Variants in TH observed in about 807,000 individuals in gnomAD.
The protein encoded by TH is tyrosine hydroxylase.
In TH, 49 loss-of-function variants were observed where a neutral mutation model predicts 57.4. The ratio of observed to expected loss-of-function variants is 0.85; its 90% CI spans 0.68 to 1.08. The LOEUF (loss-of-function observed/expected upper bound fraction) is 1.08, where lower values mean the gene tolerates loss of function less well. Among genes scored for constraint, TH ranks in the 50% least tolerant of loss-of-function variants. The pLI, the probability that TH is intolerant of heterozygous loss-of-function variation, is 0.00. For synonymous variants in TH, 330 were observed against 304.5 expected, an observed-to-expected ratio of 1.08 and a Z score of -0.87; for missense variants, 720 against 696.7, an observed-to-expected ratio of 1.03 and a Z score of -0.38.
In TH at chr11:2,169,718, G is replaced by C. The variant is rs1221965870; in HGVS notation, c.244C>G (p.Leu82Val). Residue 82 changes from leucine (L) to valine (V), a missense_variant, in exon 2 of 13, where the codon CTA becomes GTA. Physicochemically the swap from Leu to Val is conservative, Grantham distance 32. Coordinates refer to ENST00000352909, the MANE Select transcript of TH (RefSeq NM_000360.4). ...GCCCTCGGGGAGAAGAGCAGGTTTA[G>C]CACGGCCTTCCCCTCCTTCTCCTCA... Reference protein sequence around the residue: ...AFEEKEGKAVLNLLFSPRATK... With the variant: ...AFEEKEGKAVVNLLFSPRATK... 9 of 1,613,120 alleles carry C rather than the reference G, an allele frequency of 5.6e-6. No individual in the cohort carries two copies. The highest frequency in any genetic ancestry group is 5.1e-6 in the Non-Finnish European group (6 of 1,179,914).
At chr11:2,169,088 G>A (rs1590170409) in intron 2 of TH, among the ~76,000 whole-genome samples, 1 of 152,286 alleles carries the variant, frequency 6.6e-6, no homozygotes. Flanking sequence ...AGAAGGGTCC[G>A]CTCCACCCCC....
Position 2,168,112 on chromosome 11 carries a change from A to T in TH, c.555T>A (p.Pro185=). 1 of 1,613,528 alleles carries T rather than the reference A, an allele frequency of 6.2e-7. No individual in the cohort carries two copies. The highest frequency in any genetic ancestry group is 1.1e-5 in the South Asian group (1 of 91,086). ...KCHHLVTKFD[P]DLDLDHPGFS... Reference sequence around the variant, plus strand: ...TCACCGGGTGGTCCAAGTCCAGGTCAGGGTCGAACTTGGTGACCAGGTGAT... The same window carrying T: ...TCACCGGGTGGTCCAAGTCCAGGTCTGGGTCGAACTTGGTGACCAGGTGAT... Residue 185 remains proline, a synonymous_variant, in exon 4 of 13, where the codon CCT becomes CCA. Coordinates refer to ENST00000352909, the MANE Select transcript of TH (RefSeq NM_000360.4).
At chr11:2,167,299 C>A (rs572278139) in intron 6 of TH, 136 bp downstream of exon 6, 6 of 1,120,202 alleles carry the variant, frequency 5.4e-6, no homozygotes, top group African/African-American at 1.5e-5. Flanking sequence ...ACATTCTGAG[C>A]CCTGCAAGTC....
In TH at chr11:2,164,224, G is replaced by T. The variant is rs762091461; in HGVS notation, c.*9C>A. The stretch of plus-strand genomic sequence containing the variant: ...GAGGTTGGGAAGGGCCCTCAGGGAC[G>T]CCGTGCACCTAGCCAATGGCACTCA... On this transcript the variant is annotated 3_prime_UTR_variant, in exon 13 of 13. Transcript: ENST00000352909. The T allele has an allele frequency of 1.4e-6, 2 of 1,447,758 alleles. No homozygotes were observed. Among genetic ancestry groups the T allele is most frequent in the African/African-American group, 2.9e-5 (2 of 68,352 alleles). 89.7% of individuals were successfully genotyped at this position (1,447,758 alleles called of 1,614,324 possible).
chr11:2,168,252 C>T (rs11564715), intron 3 of TH, 73 bp from the exon 4 acceptor site: 2 of 1,533,304 alleles, frequency 1.3e-6, no homozygotes, highest in Non-Finnish European at 1.8e-6. Flanking sequence ...CTTGAAGCAG[C>T]CTCCCCTACA....
Position 2,165,721 on chromosome 11 carries a change from C to A in TH, c.1147G>T (p.Gly383Trp), listed in dbSNP as rs370962049. 4.3e-6 allele frequency: 7 copies of A among 1,612,650 alleles called. No homozygotes were observed. Reference protein sequence around the residue: ...TVEFGLCKQNGEVKAYGAGLL... With the variant: ...TVEFGLCKQNWEVKAYGAGLL... ...CCGGCACCATAGGCCTTCACCTCCC[C>A]GTTCTGCTTACACAGCCCGAACTCC... is the stretch of plus-strand genomic sequence containing the variant. The change falls in exon 11 of 13, where the codon GGG (glycine) becomes TGG (tryptophan). Residue 383 changes from glycine (G) to tryptophan (W), a missense_variant. Coordinates refer to ENST00000352909, the MANE Select transcript of TH (RefSeq NM_000360.4).
intron 7 of TH, 34 bp downstream of exon 7, chr11:2,166,853 C>G (rs1301329996): frequency 1.3e-6 from 2 of 1,591,722 alleles, no homozygotes; most frequent in Non-Finnish European, 1.7e-6. Context: ...CATCCCCGGC[C>G]CCCCGGCTCT....
intron 3 of TH, 109 bp downstream of exon 3, chr11:2,168,382 G>A (rs1846159511): frequency 6.7e-6 from 10 of 1,495,598 alleles, no homozygotes; most frequent in Admixed American, 1.8e-5. Flanking sequence ...CCGCAGAGAG[G>A]GAACCAGGCC....
intron 3 of TH, 66 bp from the exon 4 acceptor site, chr11:2,168,245 G>T: frequency 6.5e-7 from 1 of 1,550,348 alleles, no homozygotes; most frequent in Non-Finnish European, 8.9e-7. Context: ...CACCCACCTT[G>T]AAGCAGCCTC....
intron 9 of TH, 27 bp from the exon 10 acceptor site, chr11:2,166,085 G>C (rs1226278680): frequency 6.4e-7 from 1 of 1,551,018 alleles, no homozygotes; most frequent in South Asian, 1.2e-5. Flanking sequence ...ATGAAGGATG[G>C]GGAGAGGCAG....
At chr11:2,166,285 C>G in intron 9 of TH, 195 bp downstream of exon 9, 1 of 904,930 alleles carries the variant, frequency 1.1e-6, no homozygotes, top group Non-Finnish European at 1.7e-6. Flanking sequence ...AGGTAGCCGG[C>G]AGGTGGCAGC....
At position 2,165,278 on chromosome 11, in the gene TH, C is replaced by G; in HGVS notation, c.1288G>C (p.Val430Leu). 6.2e-7 allele frequency: 1 copy of G among 1,612,916 alleles called. No individual in the cohort carries two copies. Among genetic ancestry groups the G allele is most frequent in the Non-Finnish European group, 8.5e-7 (1 of 1,180,008 alleles). Residue 430 changes from valine (V) to leucine (L), a missense_variant, in exon 12 of 13, where the codon GTC (valine) becomes CTC (leucine). Coordinates refer to ENST00000352909, the MANE Select transcript of TH (RefSeq NM_000360.4). ...QPYQDQTYQS[V>L]YFVSESFSDA... The stretch of plus-strand genomic sequence containing the variant: ...CTGAAGCTCTCAGACACGAAGTAGA[C>G]TGACTGGTACGTCTGGTCTTGGTAG...
chr11:2,168,865 G>A (rs1846175660), intron 2 of TH, 200 bp from the exon 3 acceptor site: 1 of 687,640 alleles, frequency 1.5e-6, no homozygotes, highest in East Asian at 2.7e-5. Flanking sequence ...CCACTGGCAA[G>A]TTGGATTTTG....
chr11:2,164,760 G>T (rs983047557), intron 12 of TH, among the ~76,000 whole-genome samples: 16 of 152,224 alleles, frequency 1.1e-4, no homozygotes, highest in African/African-American at 3.6e-4. Flanking sequence ...TGCATAAGAG[G>T]CTGGAGGGAA....
chr11:2,167,203 C>T (rs1487054498), intron 6 of TH, 171 bp from the exon 7 acceptor site: 1 of 1,127,910 alleles, frequency 8.9e-7, no homozygotes, highest in Admixed American at 2.4e-5. Flanking sequence ...TTTAGGGAAT[C>T]CCAGGGGATA....
At chr11:2,164,943 C>A (rs989225444) in intron 12 of TH, among the ~76,000 whole-genome samples, 3 of 152,148 alleles carry the variant, frequency 2.0e-5, no homozygotes, top group Non-Finnish European at 4.4e-5. Context: ...GGGGCCGGGA[C>A]AGGTTCCACA....
chr11:2,167,664 G>A (rs1218306185), intron 5 of TH, 179 bp from the exon 6 acceptor site: 12 of 1,064,808 alleles, frequency 1.1e-5, no homozygotes, highest in East Asian at 2.6e-5. Flanking sequence ...ATGTGGCCTC[G>A]GCAGGTTGCT....
Position 2,165,522 on chromosome 11 carries a change from T to A in TH, c.1200+146A>T. On this transcript the variant is annotated intron_variant, in intron 11 of 12. Coordinates refer to ENST00000352909, the MANE Select transcript of TH (RefSeq NM_000360.4). ...GCCTGGGATAATGTGGGGTGAGGAC[T>A]GGGCAGAGACAAGCCTTCTCCCAAA... The A allele has an allele frequency of 2.9e-6, 4 of 1,365,520 alleles. No homozygotes were observed. The South Asian group carries it at 3.6e-5, about 12-fold the overall frequency. The allele number at this position is 1,365,520 out of a possible 1,614,324, so 84.6% of individuals were successfully genotyped here.
chr11:2,168,724 AGGGTG>A, intron 2 of TH, 59 bp from the exon 3 acceptor site: 1 of 98,046 alleles, frequency 1.0e-5, no homozygotes, highest in Non-Finnish European at 1.9e-5. Flanking sequence ...ATGGAGAGAG[AGGGTG>A]GGGTGGGCGG....
Sources: allele counts gnomAD v4.1 joint callset (sites outside exome capture counted in the v4.1 genomes callset), GRCh38; gene constraint gnomAD v4.1.1; transcripts MANE v1.5; gene names NCBI Gene and HGNC (gene_info 2026-07-23, HGNC 2026-07-21).